Variants in LIN52 observed in about 807,000 individuals in gnomAD.
LIN52 encodes lin-52 DREAM MuvB core complex component.
Under a neutral mutation model 18.5 loss-of-function variants are expected in LIN52, and 4 were observed. The ratio of observed to expected loss-of-function variants is 0.22; its 90% CI spans 0.11 to 0.49. The LOEUF is 0.49. Among genes scored for constraint, LIN52 ranks in the 20% least tolerant of loss-of-function variants. The probability of loss-of-function intolerance (pLI) is 0.97; values close to 1 mark genes in which losing one functional copy is unlikely to be tolerated. For synonymous variants in LIN52, 34 were observed against 45.5 expected (o/e 0.75, Z 1.02); for missense variants, 102 against 139.5 (o/e 0.73, Z 1.35).
At chr14:74,098,722 A>G (rs975609988) in intron 4 of LIN52, among the ~76,000 whole-genome samples, 4 of 151,782 alleles carry the variant, frequency 2.6e-5, no homozygotes, top group Non-Finnish European at 5.9e-5. Context: ...TAATTTTTGT[A>G]GTTTTAGTAG....
chr14:74,120,280 A>G (rs1243630532), intron 5 of LIN52, among the ~76,000 whole-genome samples: 1 of 152,184 alleles, frequency 6.6e-6, no homozygotes, highest in Admixed American at 6.5e-5. Context: ...AATGAACCAA[A>G]GAGTTTTTTC....
At chr14:74,175,751 C>CAT (rs778907221) in intron 5 of LIN52, among the ~76,000 whole-genome samples, 1 of 130,186 alleles carries the variant, frequency 7.7e-6, no homozygotes, top group African/African-American at 3.7e-5. Context: ...CACACACACA[C>CAT]CCCCATTATA....
chr14:74,115,885 T>A (rs1198720637), intron 5 of LIN52, among the ~76,000 whole-genome samples: 2 of 152,214 alleles, frequency 1.3e-5, no homozygotes, highest in African/African-American at 4.8e-5. Flanking sequence ...AAAATGCTTG[T>A]GGTGTTTCAT....
chr14:74,118,637 G>C (rs2060978017), intron 5 of LIN52, among the ~76,000 whole-genome samples: 1 of 151,504 alleles, frequency 6.6e-6, no homozygotes, highest in Admixed American at 6.6e-5. Context: ...AGCCGGGCCT[G>C]CTGGTGTACA....
At chr14:74,095,763 T>G (rs1161243066) in intron 2 of LIN52, among the ~76,000 whole-genome samples, 185 bp from the exon 3 acceptor site, 2 of 152,178 alleles carry the variant, frequency 1.3e-5, no homozygotes, top group Admixed American at 6.6e-5. Context: ...AGCTTGCCAT[T>G]TTTTGTCTTG....
At chr14:74,143,902 G>C (rs1030937474) in intron 5 of LIN52, among the ~76,000 whole-genome samples, 1 of 151,978 alleles carries the variant, frequency 6.6e-6, no homozygotes, top group African/African-American at 2.4e-5. Flanking sequence ...TTTTGTGCCT[G>C]TTGACCAAAC....
chr14:74,140,776 G>A (rs1424344970), intron 5 of LIN52, among the ~76,000 whole-genome samples: 1 of 152,218 alleles, frequency 6.6e-6, no homozygotes, highest in Non-Finnish European at 1.5e-5. Context: ...AGGGACTGGA[G>A]CAGGCCAAAT....
rs1034046438 is a variant in LIN52 at position 74,097,936 on chromosome 14, G to A, written c.199+76G>A. 3 of 1,109,766 alleles carry A rather than the reference G, an allele frequency of 2.7e-6. No homozygotes were observed. In the African/African-American group the frequency reaches 4.8e-5, roughly 18 times the overall value. 68.7% of individuals were successfully genotyped at this position (1,109,766 alleles called of 1,614,324 possible). A position where few individuals can be genotyped will look rare whatever the true frequency, so the allele number is the denominator to read the frequency against. On this transcript the variant is annotated intron_variant, in intron 4 of 5. Coordinates refer to ENST00000555028, the MANE Select transcript of LIN52 (RefSeq NM_001024674.3). ...GACCACCTCTCTATTTTTTTTTTCT[G>A]TTTCCTTACAAGTATTTTTGGCTTC...
chr14:74,201,437 G>C lies in LIN52; in HGVS notation c.*2460G>C, dbSNP rs2078948551. Among the ~76,000 whole-genome samples, 1 of 152,104 alleles carries C rather than the reference G, an allele frequency of 6.6e-6. No individual in the cohort carries two copies. The highest frequency in any genetic ancestry group is 2.4e-5 in the African/African-American group (1 of 41,412). On this transcript the variant is annotated 3_prime_UTR_variant, in exon 6 of 6. Coordinates refer to ENST00000555028, the MANE Select transcript of LIN52 (RefSeq NM_001024674.3). Reference sequence around the variant, plus strand: ...GCCCAACACCCGAAAGTAGTATTTAGAAACCCTTAATACCTTCCCGTGTCT... The same window carrying C: ...GCCCAACACCCGAAAGTAGTATTTACAAACCCTTAATACCTTCCCGTGTCT...
At chr14:74,114,599 C>G (rs763107254) in intron 5 of LIN52, among the ~76,000 whole-genome samples, 1 of 152,130 alleles carries the variant, frequency 6.6e-6, no homozygotes, top group African/African-American at 2.4e-5. Flanking sequence ...TGCTTAACAA[C>G]AACAACAACA....
intron 5 of LIN52, among the ~76,000 whole-genome samples, chr14:74,154,536 A>G (rs2061191186): frequency 6.6e-6 from 1 of 152,220 alleles, no homozygotes. Flanking sequence ...GCTAGAAGTA[A>G]GAGTCTAGGT....
intron 5 of LIN52, among the ~76,000 whole-genome samples, chr14:74,118,646 C>T (rs2060978139): frequency 6.6e-6 from 1 of 151,350 alleles, no homozygotes; most frequent in African/African-American, 2.4e-5. Context: ...TGCTGGTGTA[C>T]ACCTGTAGTC....
At chr14:74,176,365 G>T (rs2061294643) in intron 5 of LIN52, among the ~76,000 whole-genome samples, 1 of 152,004 alleles carries the variant, frequency 6.6e-6, no homozygotes, top group Admixed American at 6.6e-5. Flanking sequence ...GCCTGCCTTG[G>T]CCTCCCAAAG....
At chr14:74,106,712 G>T (rs894628635) in intron 5 of LIN52, among the ~76,000 whole-genome samples, 7 of 152,088 alleles carry the variant, frequency 4.6e-5, no homozygotes, top group Non-Finnish European at 8.8e-5. Context: ...TGCTTCAGCC[G>T]TCCAAGTAGC....
chr14:74,164,638 C>T (rs2061240713), intron 5 of LIN52, among the ~76,000 whole-genome samples: 1 of 152,086 alleles, frequency 6.6e-6, no homozygotes, highest in Non-Finnish European at 1.5e-5. Context: ...GGCCATCTCT[C>T]CCTCCACACC....
intron 5 of LIN52, among the ~76,000 whole-genome samples, chr14:74,152,959 CAA>C (rs1189515836): frequency 0.019 from 793 of 41,452 alleles, 4 homozygotes; most frequent in African/African-American, 0.061. Flanking sequence ...GACTCTGTCT[CAA>C]AAAAAAAAAA....
chr14:74,090,951 A>G (rs1006661994), intron 1 of LIN52, among the ~76,000 whole-genome samples: 1 of 152,230 alleles, frequency 6.6e-6, no homozygotes, highest in Non-Finnish European at 1.5e-5. Flanking sequence ...ACTGGAGGAA[A>G]GCACAAGAGT....
At chr14:74,135,019 A>C (rs767138864) in intron 5 of LIN52, among the ~76,000 whole-genome samples, 6 of 152,154 alleles carry the variant, frequency 3.9e-5, no homozygotes, top group Non-Finnish European at 7.4e-5. Context: ...AATTGAAACT[A>C]TCCTTGCATA....
At chr14:74,163,981 G>GA (rs1176358504) in intron 5 of LIN52, among the ~76,000 whole-genome samples, 2 of 131,862 alleles carry the variant, frequency 1.5e-5, no homozygotes, top group Admixed American at 8.3e-5. Flanking sequence ...GGTCTGTACT[G>GA]AAATTTTTTT....
Sources: allele counts gnomAD v4.1 joint callset (sites outside exome capture counted in the v4.1 genomes callset), GRCh38; gene constraint gnomAD v4.1.1; transcripts MANE v1.5; gene names NCBI Gene and HGNC (gene_info 2026-07-23, HGNC 2026-07-21).